SPEF2: variants seen among roughly 807,000 people sequenced by gnomAD.
The protein encoded by SPEF2 is sperm flagellar and cilia associated 2, also known as sperm flagella and cilia-associated protein 2.
SPEF2 carries 187 observed loss-of-function variants against 224.6 expected under a neutral mutation model. The observed-to-expected ratio is 0.83, with a 90% CI of 0.74 to 0.94. The LOEUF (loss-of-function observed/expected upper bound fraction) is 0.94, where lower values mean the gene tolerates loss of function less well. Ranked by LOEUF, SPEF2 falls within the 40% of genes least tolerant of loss-of-function variation. The pLI, the probability that SPEF2 is intolerant of heterozygous loss-of-function variation, is 0.00. For synonymous variants in SPEF2, 715 were observed against 707.3 expected (o/e 1.01, Z -0.17); for missense variants, 2,170 against 2,135.6 (o/e 1.02, Z -0.32).
intron 1 of SPEF2, among the ~76,000 whole-genome samples, chr5:35,618,421 A>T (rs879771287): frequency 1.2e-4 from 19 of 152,068 alleles, no homozygotes; most frequent in Non-Finnish European, 1.9e-4. Flanking sequence ...ACTTTGCTGG[A>T]CTTTGTAGTC....
At chr5:35,652,692 CTT>C (rs1748373949) in intron 6 of SPEF2, among the ~76,000 whole-genome samples, 1 of 152,142 alleles carries the variant, frequency 6.6e-6, no homozygotes, top group Non-Finnish European at 1.5e-5. Context: ...GGATACTTCT[CTT>C]ATTCACTAGG....
At chr5:35,802,485 G>A (rs1029075339) in intron 34 of SPEF2, among the ~76,000 whole-genome samples, 4 of 151,652 alleles carry the variant, frequency 2.6e-5, no homozygotes, top group Non-Finnish European at 5.9e-5. Flanking sequence ...AAACAAATAA[G>A]CAAAACAGAG....
At chr5:35,770,897 A>G (rs1561337729) in intron 26 of SPEF2, among the ~76,000 whole-genome samples, 1 of 151,236 alleles carries the variant, frequency 6.6e-6, no homozygotes, top group Non-Finnish European at 1.5e-5. Context: ...CCCAGCAGGG[A>G]AGCTAAGAAC....
chr5:35,734,676 A>G lies in SPEF2; in HGVS notation c.3064-5243A>G, dbSNP rs191973048. 1.1e-4 allele frequency among the ~76,000 whole-genome samples: 16 copies of G among 148,744 alleles called. No individual in the cohort carries two copies. In the East Asian group the frequency reaches 3.2e-3, roughly 30 times the overall value. On this transcript the variant is annotated intron_variant, in intron 21 of 36. Coordinates refer to ENST00000356031, the MANE Select transcript of SPEF2 (RefSeq NM_024867.4). ...CAAAGCAGCACCTCTGTCACTTCACAACACTTAGTATGTGAATTGCTTTCT... is the reference window on the plus strand; with the variant it reads ...CAAAGCAGCACCTCTGTCACTTCACGACACTTAGTATGTGAATTGCTTTCT...
At chr5:35,782,567 T>C (rs1754490910) in intron 30 of SPEF2, among the ~76,000 whole-genome samples, 1 of 152,166 alleles carries the variant, frequency 6.6e-6, no homozygotes, top group Non-Finnish European at 1.5e-5. Context: ...AATTACACTT[T>C]GCATGTTTTA....
intron 4 of SPEF2, among the ~76,000 whole-genome samples, chr5:35,644,865 G>A (rs1274007900): frequency 6.6e-6 from 1 of 152,184 alleles, no homozygotes; most frequent in South Asian, 2.1e-4. Flanking sequence ...AAAGGCACAT[G>A]ACCATTGTCA....
intron 2 of SPEF2, among the ~76,000 whole-genome samples, chr5:35,629,414 C>T (rs1029451585): frequency 6.7e-6 from 1 of 148,762 alleles, no homozygotes; most frequent in Non-Finnish European, 1.5e-5. Flanking sequence ...GTCTCAGCCT[C>T]CTAAAGTGCT....
intron 7 of SPEF2, among the ~76,000 whole-genome samples, chr5:35,655,198 C>A (rs1176950708): frequency 6.6e-6 from 1 of 152,084 alleles, no homozygotes; most frequent in Non-Finnish European, 1.5e-5. Context: ...TTGCTTGGGA[C>A]TTTTAGGAAT....
chr5:35,635,442 T>G (rs1377994638), intron 2 of SPEF2, among the ~76,000 whole-genome samples: 1 of 152,154 alleles, frequency 6.6e-6, no homozygotes, highest in East Asian at 1.9e-4. Context: ...CCATGAAATA[T>G]CTTGCTTTTA....
At chr5:35,714,381 C>G (rs1254807439) in intron 20 of SPEF2, among the ~76,000 whole-genome samples, 4 of 151,654 alleles carry the variant, frequency 2.6e-5, no homozygotes, top group African/African-American at 9.7e-5. Flanking sequence ...TGCATACACC[C>G]TCAATAAGTG....
At chr5:35,653,269 T>C (rs1198045631) in intron 6 of SPEF2, among the ~76,000 whole-genome samples, 2 of 152,212 alleles carry the variant, frequency 1.3e-5, no homozygotes, top group Non-Finnish European at 2.9e-5. Context: ...TCTTCTCACT[T>C]GAATCTCTAG....
At chr5:35,655,398 A>G (rs1748834796) in intron 7 of SPEF2, among the ~76,000 whole-genome samples, 1 of 152,204 alleles carries the variant, frequency 6.6e-6, no homozygotes, top group South Asian at 2.1e-4. Flanking sequence ...CAGAGATATG[A>G]CAGAGAGCAA....
intron 1 of SPEF2, among the ~76,000 whole-genome samples, chr5:35,625,589 C>A (rs1455621448): frequency 3.3e-5 from 5 of 152,080 alleles, no homozygotes; most frequent in African/African-American, 1.2e-4. Flanking sequence ...GGGACAAGAC[C>A]CTGATGGCGT....
Position 35,674,347 on chromosome 5 carries a change from T to TC in SPEF2, c.1524+4120_1524+4121insC, listed in dbSNP as rs1394154162. The stretch of plus-strand genomic sequence containing the variant: ...TTCTCTTTTCGTCTTCTTTTTTTTT[T>TC]TTTTTTTTTTGGTGTTTCCAAATTC... On this transcript the variant is annotated intron_variant, in intron 10 of 36. Coordinates refer to ENST00000356031, the MANE Select transcript of SPEF2 (RefSeq NM_024867.4). Among the ~76,000 whole-genome samples the TC allele has an allele frequency of 2.7e-5, 4 of 149,382 alleles. No individual in the cohort carries two copies. The East Asian group carries it at 7.7e-4, about 29-fold the overall frequency.
At chr5:35,768,521 A>G (rs966580229) in intron 26 of SPEF2, among the ~76,000 whole-genome samples, 3 of 152,166 alleles carry the variant, frequency 2.0e-5, no homozygotes, top group Admixed American at 1.3e-4. Flanking sequence ...CTATATCTAT[A>G]ATATTGGAGA....
chr5:35,654,973 G>A (rs184137741), intron 7 of SPEF2, among the ~76,000 whole-genome samples: 69 of 152,174 alleles, frequency 4.5e-4, no homozygotes, highest in Admixed American at 6.5e-4. Context: ...TTTAAAAATG[G>A]TAAATTTTAT....
chr5:35,685,439 A>G (rs1353254978), intron 10 of SPEF2, among the ~76,000 whole-genome samples: 2 of 152,150 alleles, frequency 1.3e-5, no homozygotes, highest in African/African-American at 4.8e-5. Flanking sequence ...AAGAATACTG[A>G]TGAAAGAAAA....
chr5:35,702,109 G>A (rs75452998), intron 16 of SPEF2: 28 of 411,602 alleles, frequency 6.8e-5, no homozygotes, highest in Middle Eastern at 5.2e-4. Flanking sequence ...AGCCAAGGGA[G>A]GACAAATCTT....
In SPEF2 at chr5:35,686,957, G is replaced by C. The variant is rs563884427; in HGVS notation, c.1525-4080G>C. 5.3e-5 allele frequency among the ~76,000 whole-genome samples: 8 copies of C among 152,050 alleles called. No homozygotes were observed. The East Asian group carries it at 1.3e-3, about 26-fold the overall frequency. On this transcript the variant is annotated intron_variant, in intron 10 of 36. Coordinates refer to ENST00000356031, the MANE Select transcript of SPEF2 (RefSeq NM_024867.4). ...GAATTATGTGTGTTTGTGTGTGTGTGCTTGAGGATGTGCAGAAGATTTTAT... is the reference window on the plus strand; with the variant it reads ...GAATTATGTGTGTTTGTGTGTGTGTCCTTGAGGATGTGCAGAAGATTTTAT...
Sources: allele counts gnomAD v4.1 joint callset (sites outside exome capture counted in the v4.1 genomes callset), GRCh38; gene constraint gnomAD v4.1.1; transcripts MANE v1.5; gene names NCBI Gene and HGNC (gene_info 2026-07-23, HGNC 2026-07-21).